CCSER1: variants seen among roughly 807,000 people sequenced by gnomAD.
CCSER1 encodes coiled-coil serine rich protein 1.
A neutral mutation model predicts 82.0 loss-of-function variants in CCSER1; 41 were observed. That is an observed-to-expected ratio of 0.50 (90% confidence interval 0.39 to 0.65). The LOEUF is 0.65. Ranked by LOEUF, CCSER1 falls within the 30% of genes least tolerant of loss-of-function variation. CCSER1 has a pLI of 0.00. For synonymous variants in CCSER1, 414 were observed against 383.9 expected, an observed-to-expected ratio of 1.08 and a Z score of -0.92; for missense variants, 1,119 against 1,064.2, an observed-to-expected ratio of 1.05 and a Z score of -0.72.
At chr4:90,567,190 G>C (rs1476563644) in intron 5 of CCSER1, among the ~76,000 whole-genome samples, 1 of 151,230 alleles carries the variant, frequency 6.6e-6, no homozygotes, top group East Asian at 1.9e-4. Flanking sequence ...TCAACATTTT[G>C]TGATCTTTCT....
rs1751510298 is a variant in CCSER1 at position 91,389,342 on chromosome 4, C to A, written c.2218-209230C>A. On this transcript the variant is annotated intron_variant, in intron 10 of 10. Coordinates refer to ENST00000509176, the MANE Select transcript of CCSER1 (RefSeq NM_001145065.2). ...ATTTGTTGAAAAGACTATCTTTGTT[C>A]CATTGTATTGCCACTGCTCCTTTGT... 2.0e-5 allele frequency among the ~76,000 whole-genome samples: 3 copies of A among 151,926 alleles called. No individual in the cohort carries two copies. In the South Asian group the frequency reaches 6.2e-4, roughly 31 times the overall value.
chr4:91,086,066 G>A lies in CCSER1; in HGVS notation c.2217+72G>A, dbSNP rs1265579463. The A allele has an allele frequency of 1.1e-5, 10 of 877,482 alleles. No individual in the cohort carries two copies. In the East Asian group the frequency reaches 2.7e-4, roughly 23 times the overall value. The allele number at this position is 877,482 out of a possible 1,614,324, so 54.4% of individuals were successfully genotyped here. The stretch of plus-strand genomic sequence containing the variant: ...TATGGTGTTGCAGTGATGTGGTGAT[G>A]GTGATTGACGATAATTACGTTGATA... On this transcript the variant is annotated intron_variant, in intron 10 of 10. Transcript: ENST00000509176.
At chr4:90,750,458 G>T (rs1364128460) in intron 7 of CCSER1, among the ~76,000 whole-genome samples, 1 of 152,108 alleles carries the variant, frequency 6.6e-6, no homozygotes, top group Non-Finnish European at 1.5e-5. Context: ...AGGTCCCAGA[G>T]TAAATGTGGG....
chr4:90,177,819 G>A (rs1332132785), intron 1 of CCSER1, among the ~76,000 whole-genome samples: 1 of 152,024 alleles, frequency 6.6e-6, no homozygotes, highest in Non-Finnish European at 1.5e-5. Context: ...TTTGAAGCAC[G>A]ATGCACAGCT....
At chr4:90,485,403 C>A (rs1414061815) in intron 5 of CCSER1, among the ~76,000 whole-genome samples, 1 of 152,128 alleles carries the variant, frequency 6.6e-6, no homozygotes, top group East Asian at 1.9e-4. Context: ...GTCTGGCACT[C>A]CCCCGTGAGA....
At chr4:91,160,393 T>A (rs1490572996) in intron 10 of CCSER1, among the ~76,000 whole-genome samples, 1 of 152,224 alleles carries the variant, frequency 6.6e-6, no homozygotes, top group African/African-American at 2.4e-5. Context: ...TGATTTATAA[T>A]CCTTTGGGTA....
At chr4:91,113,284 C>T (rs1726245604) in intron 10 of CCSER1, among the ~76,000 whole-genome samples, 1 of 152,126 alleles carries the variant, frequency 6.6e-6, no homozygotes, top group South Asian at 2.1e-4. Flanking sequence ...CAAGGGAGAC[C>T]TTCTTGAGAT....
chr4:90,807,521 AGGTAG>A (rs561493463), intron 7 of CCSER1, among the ~76,000 whole-genome samples: 1 of 152,152 alleles, frequency 6.6e-6, no homozygotes, highest in African/African-American at 2.4e-5. Context: ...CAAGGGGCCA[AGGTAG>A]GAAGTTTGAG....
intron 4 of CCSER1, among the ~76,000 whole-genome samples, chr4:90,437,361 T>A (rs1759178706): frequency 6.6e-6 from 1 of 152,192 alleles, no homozygotes; most frequent in African/African-American, 2.4e-5. Flanking sequence ...TATTTTTATT[T>A]AGATACATGT....
rs563756830 is a variant in CCSER1, at chr4:90,952,292, T to G, written c.2172+28845T>G. 2.6e-5 allele frequency among the ~76,000 whole-genome samples: 4 copies of G among 152,186 alleles called. No homozygotes were observed. The South Asian group carries it at 8.3e-4, about 32-fold the overall frequency. On this transcript the variant is annotated intron_variant, in intron 9 of 10. Transcript: ENST00000509176. The stretch of plus-strand genomic sequence containing the variant: ...GTTACCATCTTTAGAGCAGCAATAC[T>G]CAATCAGAGGCATTTTTGCCCCCCA...
chr4:90,853,050 G>A (rs1764067075), intron 8 of CCSER1, among the ~76,000 whole-genome samples: 12 of 151,778 alleles, frequency 7.9e-5, no homozygotes, highest in Admixed American at 7.9e-4. Context: ...GAATAAAGAA[G>A]TACAAGGTTT....
At chr4:90,469,157 A>G (rs2153588735) in intron 5 of CCSER1, among the ~76,000 whole-genome samples, 1 of 152,136 alleles carries the variant, frequency 6.6e-6, no homozygotes, top group East Asian at 1.9e-4. Context: ...ATCTTGATGT[A>G]CCTACCATTT....
intron 4 of CCSER1, among the ~76,000 whole-genome samples, chr4:90,434,261 A>G (rs1034500953): frequency 6.6e-6 from 1 of 152,088 alleles, no homozygotes; most frequent in African/African-American, 2.4e-5. Flanking sequence ...TTATTTTCAG[A>G]TGAAAAATGT....
chr4:90,636,945 AT>A (rs1725528943), intron 6 of CCSER1, among the ~76,000 whole-genome samples: 1 of 152,226 alleles, frequency 6.6e-6, no homozygotes, highest in African/African-American at 2.4e-5. Flanking sequence ...AAAAAAGTTA[AT>A]AATAAAATGA....
At chr4:90,305,484 T>C (rs1734096289) in intron 1 of CCSER1, among the ~76,000 whole-genome samples, 1 of 152,192 alleles carries the variant, frequency 6.6e-6, no homozygotes, top group Admixed American at 6.5e-5. Flanking sequence ...AGTTAAACCA[T>C]TTTAAAGAAT....
At position 90,899,107 on chromosome 4, in the gene CCSER1, T is replaced by C. The variant is rs956773390; in HGVS notation, c.2095-24263T>C. On this transcript the variant is annotated intron_variant, in intron 8 of 10. Coordinates refer to ENST00000509176, the MANE Select transcript of CCSER1 (RefSeq NM_001145065.2). ...CATGTTTCTCTATTTCTTTGTGTCA[T>C]TGATGATTTCTTTCACCAGTGTATT... Among the ~76,000 whole-genome samples the C allele has an allele frequency of 3.9e-5, 6 of 152,136 alleles. No individual in the cohort carries two copies. In the South Asian group the frequency reaches 6.2e-4, roughly 16 times the overall value.
intron 10 of CCSER1, among the ~76,000 whole-genome samples, chr4:91,385,893 C>T (rs1578331219): frequency 1.3e-5 from 2 of 151,812 alleles, no homozygotes; most frequent in South Asian, 2.1e-4. Context: ...GTCATGATTT[C>T]GGATACATAT....
chr4:90,193,332 T>TCG (rs1340435338), intron 1 of CCSER1, among the ~76,000 whole-genome samples: 1 of 152,086 alleles, frequency 6.6e-6, no homozygotes, highest in Non-Finnish European at 1.5e-5. Context: ...GCTAAGAGAA[T>TCG]GAAAAATCTA....
chr4:90,392,926 C>T (rs1751420130), intron 3 of CCSER1, among the ~76,000 whole-genome samples: 1 of 152,032 alleles, frequency 6.6e-6, no homozygotes, highest in African/African-American at 2.4e-5. Flanking sequence ...TATAATATTG[C>T]CAGGTTAATT....
Sources: allele counts gnomAD v4.1 joint callset (sites outside exome capture counted in the v4.1 genomes callset), GRCh38; gene constraint gnomAD v4.1.1; transcripts MANE v1.5; gene names NCBI Gene and HGNC (gene_info 2026-07-23, HGNC 2026-07-21).